The following PIP4K2A variants were observed in gnomAD, a reference collection of about 807,000 sequenced individuals.
PIP4K2A encodes phosphatidylinositol 5-phosphate 4-kinase type-2 alpha.
In PIP4K2A, 14 loss-of-function variants were observed where a neutral mutation model predicts 42.9. The observed-to-expected ratio is 0.33, with a 90% confidence interval of 0.22 to 0.51. PIP4K2A has a LOEUF of 0.51. Ranked by LOEUF, PIP4K2A falls within the 20% of genes least tolerant of loss-of-function variation. PIP4K2A has a pLI of 0.97. For synonymous variants in PIP4K2A, 192 were observed against 192.2 expected, an observed-to-expected ratio of 1.00 and a Z score of 0.01; for missense variants, 434 against 519.8, an observed-to-expected ratio of 0.83 and a Z score of 1.61.
intron 1 of PIP4K2A, among the ~76,000 whole-genome samples, chr10:22,686,704 T>C (rs1839771459): frequency 6.6e-6 from 1 of 152,134 alleles, no homozygotes; most frequent in East Asian, 1.9e-4. Flanking sequence ...TCCTGACTTC[T>C]AGCAATCCTC....
chr10:22,580,377 T>C (rs1045679822), intron 4 of PIP4K2A, among the ~76,000 whole-genome samples: 2 of 151,978 alleles, frequency 1.3e-5, no homozygotes, highest in African/African-American at 4.9e-5. Context: ...AGGCTGGGCA[T>C]AGTGGCTCAT....
At chr10:22,646,455 T>C (rs1278977870) in intron 1 of PIP4K2A, among the ~76,000 whole-genome samples, 1 of 152,226 alleles carries the variant, frequency 6.6e-6, no homozygotes, top group African/African-American at 2.4e-5. Context: ...CTGGTTATCT[T>C]GTACTCATCT....
chr10:22,627,536 T>G (rs531466274), intron 1 of PIP4K2A, among the ~76,000 whole-genome samples: 1 of 136,184 alleles, frequency 7.3e-6, no homozygotes, highest in South Asian at 2.3e-4. Flanking sequence ...ATCAAGAATG[T>G]GAAAGAAATA....
At position 22,662,896 on chromosome 10, in the gene PIP4K2A, T is replaced by C. The variant is rs1247679163; in HGVS notation, c.144+51287A>G. Among the ~76,000 whole-genome samples, 4 of 152,252 alleles carry C rather than the reference T, an allele frequency of 2.6e-5. No homozygotes were observed. In the South Asian group the frequency reaches 8.3e-4, roughly 31 times the overall value. On this transcript the variant is annotated intron_variant, in intron 1 of 9. Coordinates refer to ENST00000376573, the MANE Select transcript of PIP4K2A (RefSeq NM_005028.5). ...CTCCAAGCCTGGGCTTACAGAGATA[T>C]GCACACATCTACATGGGGTAATGCA...
intron 3 of PIP4K2A, among the ~76,000 whole-genome samples, chr10:22,602,124 G>A (rs959455866): frequency 3.9e-5 from 6 of 152,150 alleles, no homozygotes; most frequent in African/African-American, 1.4e-4. Flanking sequence ...TGGGTGCAGT[G>A]GCTCACATCT....
chr10:22,592,351 G>A lies in PIP4K2A; in HGVS notation c.340-570C>T, dbSNP rs575333095. Among the ~76,000 whole-genome samples the A allele has an allele frequency of 7.4e-4, 113 of 152,318 alleles. 1 individual carries two copies. Among genetic ancestry groups the A allele is most frequent in the African/African-American group, 2.4e-3 (101 of 41,556 alleles). ...CTAGAATTCTGACTCCAGTGTGGCT[G>A]GCTCAGAATCCAAACTCTCAACTAG... is the stretch of plus-strand genomic sequence containing the variant. On this transcript the variant is annotated intron_variant, in intron 3 of 9. Coordinates refer to ENST00000376573, the MANE Select transcript of PIP4K2A (RefSeq NM_005028.5).
intron 1 of PIP4K2A, among the ~76,000 whole-genome samples, chr10:22,629,642 C>A (rs1838510229): frequency 6.6e-6 from 1 of 152,076 alleles, no homozygotes; most frequent in Non-Finnish European, 1.5e-5. Flanking sequence ...AGAGCTAACC[C>A]CATCAGAACT....
intron 8 of PIP4K2A, among the ~76,000 whole-genome samples, chr10:22,540,714 C>G (rs895392909): frequency 6.6e-6 from 1 of 152,112 alleles, no homozygotes; most frequent in African/African-American, 2.4e-5. Flanking sequence ...CATCACTATG[C>G]CCAGCTAATT....
intron 1 of PIP4K2A, among the ~76,000 whole-genome samples, chr10:22,684,973 T>C (rs902120736): frequency 6.6e-6 from 1 of 152,182 alleles, no homozygotes; most frequent in Non-Finnish European, 1.5e-5. Flanking sequence ...GTAAGGGTTA[T>C]TTTTACACCT....
chr10:22,647,582 A>T (rs542810045), intron 1 of PIP4K2A, among the ~76,000 whole-genome samples: 2 of 152,296 alleles, frequency 1.3e-5, no homozygotes, highest in East Asian at 3.9e-4. Flanking sequence ...ACAGTAACTC[A>T]ATCTGCATTC....
At chr10:22,614,605 G>A (rs1474136456) in intron 1 of PIP4K2A, among the ~76,000 whole-genome samples, 1 of 152,146 alleles carries the variant, frequency 6.6e-6, no homozygotes, top group Non-Finnish European at 1.5e-5. Flanking sequence ...ACTTAAAAGA[G>A]AAGCTTTTAA....
chr10:22,640,841 T>C (rs1838768998), intron 1 of PIP4K2A, among the ~76,000 whole-genome samples: 3 of 152,236 alleles, frequency 2.0e-5, no homozygotes, highest in Admixed American at 1.3e-4. Context: ...AAGGGAATGA[T>C]GTTTAATATT....
intron 1 of PIP4K2A, among the ~76,000 whole-genome samples, chr10:22,644,917 C>T (rs990300195): frequency 6.6e-6 from 1 of 152,190 alleles, no homozygotes; most frequent in South Asian, 2.1e-4. Context: ...AGAACTGCTT[C>T]GGTTAATTTC....
At chr10:22,589,236 A>C (rs894393965) in intron 4 of PIP4K2A, among the ~76,000 whole-genome samples, 2 of 152,250 alleles carry the variant, frequency 1.3e-5, no homozygotes, top group African/African-American at 4.8e-5. Context: ...AAGTATAAAG[A>C]GAATGCATAA....
intron 4 of PIP4K2A, among the ~76,000 whole-genome samples, chr10:22,585,825 G>A (rs1368676364): frequency 6.6e-6 from 1 of 151,992 alleles, no homozygotes; most frequent in African/African-American, 2.4e-5. Context: ...TGAACTCCTG[G>A]CCTCAAGTGA....
chr10:22,670,626 CATA>C (rs1465362227), intron 1 of PIP4K2A, among the ~76,000 whole-genome samples: 1 of 152,092 alleles, frequency 6.6e-6, no homozygotes, highest in African/African-American at 2.4e-5. Flanking sequence ...CTGCATTTTC[CATA>C]ATATGTTATT....
At chr10:22,668,560 A>G (rs766031268) in intron 1 of PIP4K2A, among the ~76,000 whole-genome samples, 1 of 152,194 alleles carries the variant, frequency 6.6e-6, no homozygotes, top group Non-Finnish European at 1.5e-5. Flanking sequence ...CTGTATTTCA[A>G]AAGTAAAGCT....
At chr10:22,596,844 G>A (rs1465831713) in intron 3 of PIP4K2A, among the ~76,000 whole-genome samples, 3 of 152,240 alleles carry the variant, frequency 2.0e-5, no homozygotes, top group Middle Eastern at 3.2e-3. Context: ...TACATGGAGG[G>A]CCCTGCAGGG....
intron 1 of PIP4K2A, among the ~76,000 whole-genome samples, chr10:22,621,985 C>T (rs74121820): frequency 0.066 from 10,123 of 152,230 alleles, 892 homozygotes; most frequent in African/African-American, 0.2. Flanking sequence ...ACTGCTTTCC[C>T]GGATTCCCAT....
Sources: allele counts gnomAD v4.1 joint callset (sites outside exome capture counted in the v4.1 genomes callset), GRCh38; gene constraint gnomAD v4.1.1; transcripts MANE v1.5; gene names NCBI Gene and HGNC (gene_info 2026-07-23, HGNC 2026-07-21).